Variants in INPP4B observed in about 807,000 individuals in gnomAD.
INPP4B encodes inositol polyphosphate-4-phosphatase type II B, also known as inositol polyphosphate 4-phosphatase type II.
In INPP4B, 55 loss-of-function variants were observed where a neutral mutation model predicts 122.5. That is an observed-to-expected ratio of 0.45 (90% CI 0.36 to 0.56). The LOEUF is 0.56. Among genes scored for constraint, INPP4B ranks in the 20% least tolerant of loss-of-function variants. The probability of loss-of-function intolerance (pLI) is 0.00; values close to 1 mark genes in which losing one functional copy is unlikely to be tolerated. For missense variants in INPP4B, 1,000 were observed against 1,097.7 expected, an observed-to-expected ratio of 0.91 and a Z score of 1.26; for synonymous variants, 403 against 388.7, an observed-to-expected ratio of 1.04 and a Z score of -0.43.
chr4:142,661,890 C>G (rs187174779), intron 2 of INPP4B, among the ~76,000 whole-genome samples: 4 of 152,278 alleles, frequency 2.6e-5, no homozygotes, highest in African/African-American at 9.6e-5. Flanking sequence ...TCCACATGAT[C>G]TGATGGGGAC....
chr4:142,647,447 T>G (rs922006015), intron 2 of INPP4B, among the ~76,000 whole-genome samples: 1 of 152,162 alleles, frequency 6.6e-6, no homozygotes, highest in Non-Finnish European at 1.5e-5. Flanking sequence ...GGAAGAAGTA[T>G]GCCAACAAAG....
At chr4:142,386,650 G>C (rs1408826763) in intron 7 of INPP4B, among the ~76,000 whole-genome samples, 1 of 152,064 alleles carries the variant, frequency 6.6e-6, no homozygotes, top group Non-Finnish European at 1.5e-5. Context: ...AGCTGTTTCC[G>C]TACCTCACTT....
At chr4:142,772,480 C>G (rs1403117948) in intron 1 of INPP4B, among the ~76,000 whole-genome samples, 2 of 152,056 alleles carry the variant, frequency 1.3e-5, no homozygotes, top group Admixed American at 6.5e-5. Context: ...TTTCAGATGA[C>G]CCTTAAATAA....
intron 7 of INPP4B, among the ~76,000 whole-genome samples, chr4:142,356,458 C>T (rs986970588): frequency 1.3e-5 from 2 of 151,472 alleles, no homozygotes; most frequent in African/African-American, 4.9e-5. Flanking sequence ...GCTTTCCATC[C>T]AGAACTCAAG....
At position 142,320,732 on chromosome 4, in the gene INPP4B, T is replaced by C. The variant is rs111849948; in HGVS notation, c.373-5970A>G. Among the ~76,000 whole-genome samples the C allele has an allele frequency of 3.7e-3, 560 of 152,302 alleles. 1 individual carries two copies. Among genetic ancestry groups the C allele is most frequent in the African/African-American group, 0.013 (532 of 41,566 alleles). ...TCATAGCTTAGCTCCCATTTATAAG[T>C]GAGAAATACTATGTTTGGTTTTCCA... On this transcript the variant is annotated intron_variant, in intron 7 of 25. Transcript: ENST00000262992.
chr4:142,546,436 G>A (rs1374130693), intron 2 of INPP4B, among the ~76,000 whole-genome samples: 1 of 152,056 alleles, frequency 6.6e-6, no homozygotes, highest in South Asian at 2.1e-4. Flanking sequence ...ATATTTGATA[G>A]AGTAAGATAC....
At chr4:142,775,780 A>T (rs1247755167) in intron 1 of INPP4B, among the ~76,000 whole-genome samples, 3 of 152,184 alleles carry the variant, frequency 2.0e-5, no homozygotes, top group Non-Finnish European at 4.4e-5. Context: ...GTCCATTATC[A>T]GATATGTTAT....
chr4:142,256,453 A>T (rs1025329612), intron 11 of INPP4B, among the ~76,000 whole-genome samples: 3 of 152,186 alleles, frequency 2.0e-5, no homozygotes, highest in Admixed American at 6.5e-5. Flanking sequence ...CTGATAGACC[A>T]CTAGCAAGAC....
At chr4:142,606,523 A>G (rs1560857440) in intron 2 of INPP4B, among the ~76,000 whole-genome samples, 1 of 151,972 alleles carries the variant, frequency 6.6e-6, no homozygotes, top group Non-Finnish European at 1.5e-5. Flanking sequence ...TACCCTATAC[A>G]TGTGTAAATT....
chr4:142,135,667 C>A (rs1167266101), intron 18 of INPP4B, among the ~76,000 whole-genome samples: 2 of 152,138 alleles, frequency 1.3e-5, no homozygotes, highest in Non-Finnish European at 2.9e-5. Flanking sequence ...ACGTAAATGA[C>A]AGAATCCAGT....
chr4:142,118,627 T>G (rs55763927), intron 21 of INPP4B, among the ~76,000 whole-genome samples: 20,380 of 152,008 alleles, frequency 0.13, 1,517 homozygotes, highest in East Asian at 0.23. Flanking sequence ...TCCTTACACC[T>G]TATACAAAAA....
chr4:142,120,036 T>C (rs1365909954), intron 21 of INPP4B, among the ~76,000 whole-genome samples: 1 of 151,940 alleles, frequency 6.6e-6, no homozygotes, highest in Non-Finnish European at 1.5e-5. Flanking sequence ...TTTTTGTGTA[T>C]GTGTAAATTC....
chr4:142,733,885 T>G (rs1345854999), intron 1 of INPP4B, among the ~76,000 whole-genome samples: 1 of 152,168 alleles, frequency 6.6e-6, no homozygotes, highest in African/African-American at 2.4e-5. Context: ...TTAAGATATA[T>G]TCATACAATG....
At chr4:142,724,165 T>G (rs914747128) in intron 2 of INPP4B, among the ~76,000 whole-genome samples, 1 of 152,170 alleles carries the variant, frequency 6.6e-6, no homozygotes, top group Non-Finnish European at 1.5e-5. Context: ...GGAATTACTT[T>G]CCCTCACCCT....
At position 142,160,479 on chromosome 4, in the gene INPP4B, A is replaced by T. The variant is rs1244583502; in HGVS notation, c.1442T>A (p.Ile481Asn). The T allele has an allele frequency of 6.2e-7, 1 of 1,612,592 alleles. No homozygotes were observed. The highest frequency in any genetic ancestry group is 8.5e-7 in the Non-Finnish European group (1 of 1,179,256). ...LALYTARPGG[I>N]LKKPPSPKSS... The stretch of plus-strand genomic sequence containing the variant: ...CTTAGGAGAGGGTGGCTTCTTAAGA[A>T]TGCCTCCTGGCCTTGCAGTGTAGAG... Residue 481 changes from isoleucine (I) to asparagine (N), a missense_variant, in exon 17 of 26, where the codon ATT (isoleucine) becomes AAT (asparagine). Coordinates refer to ENST00000262992, the MANE Select transcript of INPP4B (RefSeq NM_001101669.3).
rs1009322712 is a variant in INPP4B, at chr4:142,423,764, A to G, written c.136+5409T>C. ...TTACAATCATCCGCTTCCATAGAAA[A>G]AAAACAGACCTTCTACAAGTGGTGG... is the stretch of plus-strand genomic sequence containing the variant. On this transcript the variant is annotated intron_variant, in intron 5 of 25. Coordinates refer to ENST00000262992, the MANE Select transcript of INPP4B (RefSeq NM_001101669.3). The G allele has an allele frequency of 1.4e-5, 6 of 429,370 alleles. No homozygotes were observed. The Middle Eastern group carries it at 2.1e-3, about 149-fold the overall frequency. The allele number at this position is 429,370 out of a possible 1,614,324, so 26.6% of individuals were successfully genotyped here.
intron 12 of INPP4B, among the ~76,000 whole-genome samples, chr4:142,215,920 A>C (rs1311065644): frequency 2.5e-5 from 3 of 119,004 alleles, no homozygotes; most frequent in African/African-American, 8.5e-5. Context: ...AAAAAAAAAA[A>C]AAAAAAAAAA....
At chr4:142,201,435 A>G (rs1436307289) in intron 14 of INPP4B, among the ~76,000 whole-genome samples, 1 of 152,098 alleles carries the variant, frequency 6.6e-6, no homozygotes, top group Admixed American at 6.5e-5. Context: ...TGCAGTTGTC[A>G]TTTCATAATT....
intron 2 of INPP4B, among the ~76,000 whole-genome samples, chr4:142,543,894 AG>A (rs1829228938): frequency 6.6e-6 from 1 of 152,186 alleles, no homozygotes; most frequent in South Asian, 2.1e-4. Context: ...AAGTAAGTAC[AG>A]GAATGTCCAC....
Sources: gnomAD v4.1 joint callset for allele counts (sites outside exome capture counted in the v4.1 genomes callset) on GRCh38, gnomAD v4.1.1 for gene constraint, MANE v1.5 for transcripts, NCBI Gene and HGNC (gene_info 2026-07-23, HGNC 2026-07-21) for gene names.